Variants in PPP2CA observed in about 807,000 individuals in gnomAD.
PPP2CA encodes the protein protein phosphatase 2 catalytic subunit alpha, also known as serine/threonine-protein phosphatase 2A catalytic subunit alpha isoform.
A neutral mutation model predicts 38.8 loss-of-function variants in PPP2CA; 5 were observed. The observed-to-expected ratio is 0.13, with a 90% confidence interval of 0.07 to 0.27. The LOEUF (loss-of-function observed/expected upper bound fraction) is 0.27, where lower values mean the gene tolerates loss of function less well. Ranked by LOEUF, PPP2CA falls within the 10% of genes least tolerant of loss-of-function variation. PPP2CA has a pLI of 1.00. For missense variants in PPP2CA, 88 were observed against 389.7 expected (o/e 0.23, Z 6.52); for synonymous variants, 152 against 134.0 (o/e 1.13, Z -0.93).
At chr5:134,222,315 A>C (rs1171684594) in intron 1 of PPP2CA, among the ~76,000 whole-genome samples, 1 of 152,176 alleles carries the variant, frequency 6.6e-6, no homozygotes, top group African/African-American at 2.4e-5. Context: ...ACACCCTTTA[A>C]AATGAAACGT....
chr5:134,215,146 C>G (rs1342287123), intron 1 of PPP2CA, among the ~76,000 whole-genome samples: 1 of 148,212 alleles, frequency 6.7e-6, no homozygotes, highest in Non-Finnish European at 1.5e-5. Context: ...CCCCAGGCTT[C>G]GAGTGCTGTA....
chr5:134,201,136 G>A, intron 3 of PPP2CA, 62 bp from the exon 4 acceptor site: 1 of 1,289,592 alleles, frequency 7.8e-7, no homozygotes, highest in Non-Finnish European at 1.1e-6. Flanking sequence ...TCTTGGCTGG[G>A]CACAGTGGCT....
At chr5:134,224,066 T>C (rs2284317) in intron 1 of PPP2CA, among the ~76,000 whole-genome samples, 117,645 of 152,096 alleles carry the variant, frequency 0.77, 45,958 homozygotes, top group Non-Finnish European at 0.82. Context: ...GTTACGTCAT[T>C]ACCTCCCTCC....
chr5:134,213,415 A>AG (rs911580456), intron 1 of PPP2CA, among the ~76,000 whole-genome samples: 7 of 61,240 alleles, frequency 1.1e-4, no homozygotes, highest in African/African-American at 3.0e-4. Context: ...CCTACTGCTC[A>AG]GAAAAAAAAA....
At chr5:134,207,388 G>C (rs1362514475) in intron 1 of PPP2CA, among the ~76,000 whole-genome samples, 1 of 152,162 alleles carries the variant, frequency 6.6e-6, no homozygotes, top group Non-Finnish European at 1.5e-5. Flanking sequence ...CTGGGTGACA[G>C]ACCAAGACTC....
intron 6 of PPP2CA, 139 bp downstream of exon 6, chr5:134,198,947 G>T: frequency 1.5e-6 from 1 of 654,324 alleles, no homozygotes; most frequent in East Asian, 2.7e-5. Flanking sequence ...ACTCTAGGAG[G>T]CCAAGGTGAA....
intron 5 of PPP2CA, 87 bp downstream of exon 5, chr5:134,200,248 C>T: frequency 7.1e-7 from 1 of 1,403,036 alleles, no homozygotes. Flanking sequence ...GAATTTCTCA[C>T]AAATGTCATT....
intron 1 of PPP2CA, among the ~76,000 whole-genome samples, chr5:134,207,370 A>G (rs563085006): frequency 1.6e-4 from 25 of 152,300 alleles, no homozygotes; most frequent in African/African-American, 5.3e-4. Flanking sequence ...GCATCACTGC[A>G]CTCCAGCCTG....
chr5:134,197,985 T>C (rs762420538), intron 6 of PPP2CA, 141 bp from the exon 7 acceptor site: 18 of 700,386 alleles, frequency 2.6e-5, no homozygotes, highest in Non-Finnish European at 3.9e-5. Flanking sequence ...TTAATGATAA[T>C]GGTCTGTTAA....
intron 1 of PPP2CA, among the ~76,000 whole-genome samples, chr5:134,222,915 G>A (rs563933750): frequency 3.6e-4 from 55 of 152,216 alleles, no homozygotes; most frequent in African/African-American, 1.0e-3. Flanking sequence ...TAAAAACCAT[G>A]TTCACTCTTG....
At chr5:134,213,702 G>C (rs1762256963) in intron 1 of PPP2CA, among the ~76,000 whole-genome samples, 1 of 151,794 alleles carries the variant, frequency 6.6e-6, no homozygotes, top group African/African-American at 2.4e-5. Flanking sequence ...AGAATCACTT[G>C]AGCCCAGGAG....
chr5:134,207,606 TAC>T (rs1762111933), intron 1 of PPP2CA, among the ~76,000 whole-genome samples: 1 of 151,752 alleles, frequency 6.6e-6, no homozygotes, highest in Non-Finnish European at 1.5e-5. Flanking sequence ...CAGCCTGGAG[TAC>T]AGTGGCATGA....
intron 1 of PPP2CA, among the ~76,000 whole-genome samples, chr5:134,223,086 G>A (rs924833253): frequency 1.3e-5 from 2 of 152,026 alleles, no homozygotes; most frequent in Non-Finnish European, 1.5e-5. Context: ...TTCAAATCAG[G>A]CATTTAGGTG....
intron 2 of PPP2CA, among the ~76,000 whole-genome samples, chr5:134,204,378 C>T (rs765201129): frequency 1.3e-5 from 2 of 152,250 alleles, no homozygotes; most frequent in African/African-American, 2.4e-5. Context: ...AGATCATCAT[C>T]AGTACACTTT....
rs1309019235 is a variant in PPP2CA at position 134,197,332 on chromosome 5, A to T, written c.*440T>A. The T allele has an allele frequency of 6.4e-6, 1 of 155,666 alleles. No homozygotes were observed. The highest frequency in any genetic ancestry group is 2.4e-5 in the African/African-American group (1 of 41,512). The allele number at this position is 155,666 out of a possible 1,614,324, so 9.6% of individuals were successfully genotyped here. A position where few individuals can be genotyped will look rare whatever the true frequency, so the allele number is the denominator to read the frequency against. On this transcript the variant is annotated 3_prime_UTR_variant, in exon 7 of 7. Transcript: ENST00000481195. ...AACAATTTCAAAACTCACAAGTAGA[A>T]GGGAGGCCTTGGTAATTATTTTTAA...
chr5:134,224,293 C>A (rs1232703315), intron 1 of PPP2CA: 2 of 455,844 alleles, frequency 4.4e-6, no homozygotes, highest in South Asian at 3.1e-5. Flanking sequence ...ACAGGAGATT[C>A]AATACATCGC....
At chr5:134,204,529 T>C (rs1389365304) in intron 2 of PPP2CA, among the ~76,000 whole-genome samples, 5 of 152,226 alleles carry the variant, frequency 3.3e-5, no homozygotes, top group Non-Finnish European at 2.9e-5. Context: ...TGGTGCATCA[T>C]GGCTCACTGT....
intron 1 of PPP2CA, 155 bp downstream of exon 1, chr5:134,225,605 G>C: frequency 1.7e-6 from 1 of 591,526 alleles, no homozygotes; most frequent in Non-Finnish European, 2.7e-6. Context: ...GCGCCGGGTC[G>C]TTAGGAAGCC....
At chr5:134,222,112 T>A (rs1762459279) in intron 1 of PPP2CA, among the ~76,000 whole-genome samples, 1 of 152,174 alleles carries the variant, frequency 6.6e-6, no homozygotes, top group Non-Finnish European at 1.5e-5. Flanking sequence ...AACATTAGGC[T>A]TAGAATCCAC....
Sources: gnomAD v4.1 joint callset for allele counts (sites outside exome capture counted in the v4.1 genomes callset) on GRCh38, gnomAD v4.1.1 for gene constraint, MANE v1.5 for transcripts, NCBI Gene and HGNC (gene_info 2026-07-23, HGNC 2026-07-21) for gene names.